KLHL1: variants seen among roughly 807,000 people sequenced by gnomAD.
KLHL1 encodes kelch-like protein 1.
A neutral mutation model predicts 77.7 loss-of-function variants in KLHL1; 47 were observed. The observed-to-expected ratio is 0.60, with a 90% CI of 0.48 to 0.77. The LOEUF (loss-of-function observed/expected upper bound fraction) is 0.77. Ranked by LOEUF, KLHL1 falls within the 30% of genes least tolerant of loss-of-function variation. The pLI, the probability that KLHL1 is intolerant of heterozygous loss-of-function variation, is 0.00. For missense variants in KLHL1, 925 were observed against 910.8 expected, an observed-to-expected ratio of 1.02 and a Z score of -0.20; for synonymous variants, 360 against 325.2, an observed-to-expected ratio of 1.11 and a Z score of -1.15.
chr13:70,095,481 G>C (rs1013783973), intron 1 of KLHL1, among the ~76,000 whole-genome samples: 8 of 152,178 alleles, frequency 5.3e-5, no homozygotes, highest in Non-Finnish European at 1.0e-4. Context: ...CTGGCAGTGA[G>C]ACTGGGCCAA....
chr13:69,789,269 C>T (rs1210341397), intron 7 of KLHL1, among the ~76,000 whole-genome samples: 1 of 136,524 alleles, frequency 7.3e-6, no homozygotes, highest in Non-Finnish European at 1.6e-5. Context: ...AATTATTTTA[C>T]ATGTCTGTCT....
intron 7 of KLHL1, among the ~76,000 whole-genome samples, chr13:69,749,987 C>G (rs9542071): frequency 6.6e-6 from 1 of 151,568 alleles, no homozygotes; most frequent in Non-Finnish European, 1.5e-5. Context: ...TGCCTGTTAG[C>G]CATTAATTGT....
chr13:70,107,437 G>A lies in KLHL1; in HGVS notation c.263C>T (p.Ser88Phe), dbSNP rs771014925. The change falls in exon 1 of 11, where the codon TCC becomes TTC. Residue 88 changes from serine to phenylalanine, a missense_variant. Physicochemically the swap from Ser to Phe is radical, Grantham distance 155. Coordinates refer to ENST00000377844, the MANE Select transcript of KLHL1 (RefSeq NM_020866.3). ...CAGGGTGCCATTCAGCGGATTGAAG[G>A]AAGAGGAGGAAGAGGACGGGGAGGA... ...SSSSPSSSSS[S>F]FNPLNGTLLP... 1 of 1,614,172 alleles carries A rather than the reference G, an allele frequency of 6.2e-7. No individual in the cohort carries two copies. The highest frequency in any genetic ancestry group is 8.5e-7 in the Non-Finnish European group (1 of 1,180,022).
intron 7 of KLHL1, among the ~76,000 whole-genome samples, chr13:69,753,581 A>G (rs1026702613): frequency 6.6e-6 from 1 of 152,190 alleles, no homozygotes; most frequent in Non-Finnish European, 1.5e-5. Flanking sequence ...TTATTTTTCA[A>G]TATGACAGAT....
chr13:69,838,519 C>A (rs568501596), intron 6 of KLHL1, among the ~76,000 whole-genome samples: 1 of 151,822 alleles, frequency 6.6e-6, no homozygotes, highest in East Asian at 1.9e-4. Context: ...CACAATTAAA[C>A]TTATAAATTA....
chr13:69,923,250 A>T (rs1423611208), intron 4 of KLHL1, among the ~76,000 whole-genome samples: 3 of 152,310 alleles, frequency 2.0e-5, no homozygotes, highest in African/African-American at 7.2e-5. Flanking sequence ...ACTGATGAAA[A>T]TTGGAACAGA....
chr13:69,711,551 C>T (rs1325031665), intron 9 of KLHL1, among the ~76,000 whole-genome samples: 3 of 152,026 alleles, frequency 2.0e-5, no homozygotes, highest in African/African-American at 2.4e-5. Flanking sequence ...GGTTTCATGA[C>T]ATTATCAAAA....
chr13:70,047,870 G>C (rs1886540585), intron 1 of KLHL1, among the ~76,000 whole-genome samples: 1 of 152,094 alleles, frequency 6.6e-6, no homozygotes, highest in African/African-American at 2.4e-5. Context: ...CATATAAAGG[G>C]GGAAGTGCAG....
At chr13:69,720,713 GA>G (rs1315739089) in intron 8 of KLHL1, among the ~76,000 whole-genome samples, 1 of 151,588 alleles carries the variant, frequency 6.6e-6, no homozygotes, top group Non-Finnish European at 1.5e-5. Context: ...GTGAGTTCAG[GA>G]ATATCTGGGG....
At chr13:70,039,275 G>A (rs1886315345) in intron 1 of KLHL1, among the ~76,000 whole-genome samples, 1 of 151,726 alleles carries the variant, frequency 6.6e-6, no homozygotes, top group Non-Finnish European at 1.5e-5. Context: ...GTAGAGACAG[G>A]GTTACACTAT....
chr13:70,050,326 C>A lies in KLHL1; in HGVS notation c.497+56877G>T, dbSNP rs74596177. On this transcript the variant is annotated intron_variant, in intron 1 of 10. Coordinates refer to ENST00000377844, the MANE Select transcript of KLHL1 (RefSeq NM_020866.3). The stretch of plus-strand genomic sequence containing the variant: ...AATTCTTCTTCAGAAGAAGCTTCTA[C>A]CTTTGTATTAAACATTTATCTAGAA... Among the ~76,000 whole-genome samples, 785 of 151,640 alleles carry A rather than the reference C, an allele frequency of 5.2e-3. 10 individuals carry two copies. Among genetic ancestry groups the A allele is most frequent in the Middle Eastern group, 0.017 (5 of 294 alleles).
At position 69,797,846 on chromosome 13, in the gene KLHL1, T is replaced by A. The variant is rs1287039463; in HGVS notation, c.1415-884A>T. Among the ~76,000 whole-genome samples the A allele has an allele frequency of 3.6e-5, 5 of 139,624 alleles. No homozygotes were observed. The South Asian group carries it at 9.2e-4, about 26-fold the overall frequency. The allele number at this position is 139,624 out of a possible 152,430, so 91.6% of individuals were successfully genotyped here. A position where few individuals can be genotyped will look rare whatever the true frequency, so the allele number is the denominator to read the frequency against. On this transcript the variant is annotated intron_variant, in intron 6 of 10. Coordinates refer to ENST00000377844, the MANE Select transcript of KLHL1 (RefSeq NM_020866.3). ...TCCATCTAAAAAAAAAAAAAAAAAATCTGGGGAATAGCTTAATAGAATTTT... is the reference window on the plus strand; with the variant it reads ...TCCATCTAAAAAAAAAAAAAAAAAAACTGGGGAATAGCTTAATAGAATTTT...
intron 9 of KLHL1, 121 bp from the exon 10 acceptor site, chr13:69,707,917 G>C (rs1213108269): frequency 1.4e-6 from 1 of 698,382 alleles, no homozygotes; most frequent in African/African-American, 1.8e-5. Flanking sequence ...TTCTCTAAAG[G>C]CTCAATCATT....
intron 5 of KLHL1, among the ~76,000 whole-genome samples, chr13:69,847,508 C>G (rs1424916234): frequency 6.6e-6 from 1 of 151,126 alleles, no homozygotes; most frequent in African/African-American, 2.4e-5. Context: ...ATGGAGTCCA[C>G]TGCAAAATGG....
chr13:69,706,323 C>G (rs1875623479), intron 10 of KLHL1, among the ~76,000 whole-genome samples: 1 of 151,694 alleles, frequency 6.6e-6, no homozygotes, highest in South Asian at 2.1e-4. Context: ...CAAGAGTTTT[C>G]CTTTAGAGGA....
At chr13:69,874,625 A>G (rs546959779) in intron 5 of KLHL1, among the ~76,000 whole-genome samples, 4 of 152,258 alleles carry the variant, frequency 2.6e-5, no homozygotes, top group South Asian at 4.1e-4. Context: ...ATGAATAAAA[A>G]ATGGAATTTC....
At chr13:69,987,661 T>C (rs548286273) in intron 1 of KLHL1, among the ~76,000 whole-genome samples, 2 of 152,194 alleles carry the variant, frequency 1.3e-5, no homozygotes, top group East Asian at 3.9e-4. Context: ...TTTTACCTAA[T>C]GATAACAACT....
At chr13:70,025,847 C>T (rs980773513) in intron 1 of KLHL1, among the ~76,000 whole-genome samples, 5 of 151,968 alleles carry the variant, frequency 3.3e-5, no homozygotes, top group African/African-American at 1.2e-4. Flanking sequence ...ATCTTTATGC[C>T]TACCATTGAC....
intron 6 of KLHL1, among the ~76,000 whole-genome samples, chr13:69,838,128 A>C (rs1879101259): frequency 6.7e-6 from 1 of 149,166 alleles, no homozygotes; most frequent in South Asian, 2.1e-4. Flanking sequence ...CTGCAGCTAC[A>C]ATTTTGAAAT....
Sources: allele counts gnomAD v4.1 joint callset (sites outside exome capture counted in the v4.1 genomes callset), GRCh38; gene constraint gnomAD v4.1.1; transcripts MANE v1.5; gene names NCBI Gene and HGNC (gene_info 2026-07-23, HGNC 2026-07-21).